Variants in HID1 observed in about 807,000 individuals in gnomAD.
The protein encoded by HID1 is protein HID1.
Under a neutral mutation model 89.7 loss-of-function variants are expected in HID1, and 42 were observed. That is an observed-to-expected ratio of 0.47 (90% CI 0.37 to 0.61). The LOEUF is 0.61. HID1 is among the 20% of genes least tolerant of loss of function. HID1 has a pLI of 0.00. For missense variants in HID1, 854 were observed against 1,039.3 expected, an observed-to-expected ratio of 0.82 and a Z score of 2.45; for synonymous variants, 442 against 433.8, an observed-to-expected ratio of 1.02 and a Z score of -0.24.
intron 1 of HID1, among the ~76,000 whole-genome samples, chr17:74,971,690 T>C (rs2039649996): frequency 6.6e-6 from 1 of 152,104 alleles, no homozygotes; most frequent in South Asian, 2.1e-4. Context: ...AGCATCTCTG[T>C]GGCCACGGTG....
Position 74,962,859 on chromosome 17 carries a change from CCCCCGGCCCCCAG to C in HID1, c.504+93_504+105del. The C allele has an allele frequency of 1.3e-6, 1 of 785,496 alleles. No homozygotes were observed. Among genetic ancestry groups the C allele is most frequent in the Non-Finnish European group, 2.1e-6 (1 of 476,680 alleles). The allele number at this position is 785,496 out of a possible 1,614,324, so 48.7% of individuals were successfully genotyped here. A position where few individuals can be genotyped will look rare whatever the true frequency, so the allele number is the denominator to read the frequency against. On this transcript the variant is annotated intron_variant, in intron 4 of 18. Transcript: ENST00000425042. This position sits in a 1 kb window ranked among gnomAD's most constrained non-coding sequence, Gnocchi z 4.3. ...CCAGGCAGCTCAGCTCTCCTGGAGC[CCCCCGGCCCCCAG>C]TGCAATCCGCCCAAGGGAACTTCAA...
At chr17:74,964,213 G>T (rs1457712172) in intron 2 of HID1, 3 of 592,978 alleles carry the variant, frequency 5.1e-6, no homozygotes, top group Non-Finnish European at 9.0e-6. Context: ...CTGTAAACTG[G>T]CGACCCTGGC....
rs1029483910 is a variant in HID1 at position 74,959,295 on chromosome 17, G to T, written c.1009-244C>A. ...ACTGCAGACTCTCTGTCCTTGGGCT[G>T]TGCGCCCCTTGAGCAAGGCTGCTGC... On this transcript the variant is annotated intron_variant, in intron 8 of 18. Coordinates refer to ENST00000425042, the MANE Select transcript of HID1 (RefSeq NM_030630.3). This position sits in a 1 kb window ranked among gnomAD's most constrained non-coding sequence, Gnocchi z 4.6. Among the ~76,000 whole-genome samples the T allele has an allele frequency of 3.3e-5, 5 of 152,116 alleles. No individual in the cohort carries two copies. The highest frequency in any genetic ancestry group is 4.8e-5 in the African/African-American group (2 of 41,402).
At chr17:74,953,119 G>C in intron 15 of HID1, 33 bp from the exon 16 acceptor site, 1 of 1,534,790 alleles carries the variant, frequency 6.5e-7, no homozygotes, top group Admixed American at 1.9e-5. Context: ...GGTGAGGGAT[G>C]GTGGCGGTGG....
At chr17:74,952,198 C>A in intron 17 of HID1, 71 bp downstream of exon 17, 8 of 1,532,192 alleles carry the variant, frequency 5.2e-6, no homozygotes, top group Non-Finnish European at 7.2e-6. Context: ...AGCCCACCTG[C>A]CCACACCACC....
rs777264298 is a variant in HID1 at position 74,961,952 on chromosome 17, C to G, written c.649G>C (p.Glu217Gln). 10 of 1,600,988 alleles carry G rather than the reference C, an allele frequency of 6.2e-6. No individual in the cohort carries two copies. The highest frequency in any genetic ancestry group is 7.7e-6 in the Non-Finnish European group (9 of 1,174,002). The stretch of plus-strand genomic sequence containing the variant: ...GGAGCTGGGGGCAGGTACATGGCCT[C>G]GGAGAAGCATGTCAGCAGCAGTTTC... ...LLKLLLTCFS[E>Q]AMYLPPAPES... The change falls in exon 6 of 19, where the codon GAG becomes CAG. Residue 217 changes from glutamate (E) to glutamine (Q), a missense_variant. By Grantham distance (29) the Glu-to-Gln change is conservative (BLOSUM62 2). Coordinates refer to ENST00000425042, the MANE Select transcript of HID1 (RefSeq NM_030630.3).
In HID1 at chr17:74,963,758, G is replaced by A. The variant is rs765467682; in HGVS notation, c.369C>T (p.Pro123=). The A allele has an allele frequency of 5.5e-5, 89 of 1,611,154 alleles. 1 individual carries two copies. Among genetic ancestry groups the A allele is most frequent in the South Asian group, 4.6e-4 (42 of 90,704 alleles). Residue 123 remains proline (P), a synonymous_variant, in exon 3 of 19, where the codon CCC becomes CCT. Coordinates refer to ENST00000425042, the MANE Select transcript of HID1 (RefSeq NM_030630.3). ...DWRGFFWSTV[P]GAGRGGQGEE... ...CACAGACCCCTCCTCGCCCTGCCCC[G>A]GGCACTGTGGACCAGAAGAAGCCCC...
Position 74,954,076 on chromosome 17 carries a change from A to T in HID1, c.1864+62T>A. On this transcript the variant is annotated intron_variant, in intron 14 of 18. Coordinates refer to ENST00000425042, the MANE Select transcript of HID1 (RefSeq NM_030630.3). ...CCAGAGATGGGGGTGACACCCCGAG[A>T]CCATGTCCCTCCCCCAGCCACACCA... 2.8e-6 allele frequency: 4 copies of T among 1,449,762 alleles called. No homozygotes were observed. The South Asian group carries it at 4.9e-5, about 18-fold the overall frequency. 89.8% of individuals were successfully genotyped at this position (1,449,762 alleles called of 1,614,324 possible).
At chr17:74,971,731 T>G (rs1033526737) in intron 1 of HID1, among the ~76,000 whole-genome samples, 7 of 151,836 alleles carry the variant, frequency 4.6e-5, no homozygotes, top group African/African-American at 1.7e-4. Context: ...AGAGAAGGGG[T>G]GGGCAGAGAA....
rs1271699241 is a variant in HID1, at chr17:74,962,923, G to C, written c.504+42C>G. 2.0e-6 allele frequency: 3 copies of C among 1,464,084 alleles called. No homozygotes were observed. Among genetic ancestry groups the C allele is most frequent in the Admixed American group, 1.7e-5 (1 of 57,288 alleles). The allele number at this position is 1,464,084 out of a possible 1,614,324, so 90.7% of individuals were successfully genotyped here. ...CTGGCCCGGCCCCAACCCAGGACCA[G>C]AGCCTACTCCGCCTGGGGGTGGGGG... On this transcript the variant is annotated intron_variant, in intron 4 of 18. Transcript: ENST00000425042. The surrounding 1 kb of genome is among the most constrained non-coding windows in gnomAD (Gnocchi z 4.3).
rs760349981 is a variant in HID1, at chr17:74,953,611, A to T, written c.1905T>A (p.Asp635Glu). ...KLTEKSQVSE[D>E]GTLRSLEPEP... ...CAGGTTCCAGGGACCGCAAGGTGCCATCCTCTGACACCTGGGACTTCTCGG... is the reference window on the plus strand; with the variant it reads ...CAGGTTCCAGGGACCGCAAGGTGCCTTCCTCTGACACCTGGGACTTCTCGG... The change falls in exon 15 of 19, where the codon GAT becomes GAA. Residue 635 changes from aspartate (D) to glutamate (E), a missense_variant. Coordinates refer to ENST00000425042, the MANE Select transcript of HID1 (RefSeq NM_030630.3). 1 of 1,614,046 alleles carries T rather than the reference A, an allele frequency of 6.2e-7. No individual in the cohort carries two copies. The highest frequency in any genetic ancestry group is 1.1e-5 in the South Asian group (1 of 91,070).
chr17:74,951,530 C>T lies in HID1; in HGVS notation c.*40G>A. On this transcript the variant is annotated 3_prime_UTR_variant, in exon 19 of 19. Transcript: ENST00000425042. Reference sequence around the variant, plus strand: ...TGGGGGAAGCCTCAGGGACCAAGGCCCTGCCTTCCCCTAGACTGAGCCCCT... The same window carrying T: ...TGGGGGAAGCCTCAGGGACCAAGGCTCTGCCTTCCCCTAGACTGAGCCCCT... 6.3e-7 allele frequency: 1 copy of T among 1,577,770 alleles called. No homozygotes were observed. The highest frequency in any genetic ancestry group is 8.7e-7 in the Non-Finnish European group (1 of 1,155,004).
In HID1 at chr17:74,959,970, G is replaced by A. The variant is rs769188440; in HGVS notation, c.952-33C>T. The A allele has an allele frequency of 5.7e-5, 92 of 1,613,280 alleles. No individual in the cohort carries two copies. The highest frequency in any genetic ancestry group is 3.3e-4 in the South Asian group (30 of 91,084). On this transcript the variant is annotated intron_variant, in intron 7 of 18. Coordinates refer to ENST00000425042, the MANE Select transcript of HID1 (RefSeq NM_030630.3). The surrounding 1 kb of genome is among the most constrained non-coding windows in gnomAD (Gnocchi z 4.6). Reference sequence around the variant, plus strand: ...GAGGAGAAGCCCCTGGTGAGCAGGCGTCCTCCCCACAACCCGTGGCCCCGG... The same window carrying A: ...GAGGAGAAGCCCCTGGTGAGCAGGCATCCTCCCCACAACCCGTGGCCCCGG...
rs1188587801 is a variant in HID1, at chr17:74,959,464, G to C, written c.1009-413C>G. Among the ~76,000 whole-genome samples the C allele has an allele frequency of 1.3e-5, 2 of 152,070 alleles. No homozygotes were observed. The highest frequency in any genetic ancestry group is 2.9e-5 in the Non-Finnish European group (2 of 68,026). On this transcript the variant is annotated intron_variant, in intron 8 of 18. Transcript: ENST00000425042. The surrounding 1 kb of genome is among the most constrained non-coding windows in gnomAD (Gnocchi z 4.6). ...AACTCGAGGAGCATTCCACTGTTCT[G>C]TCATTTACTGAGGCCTGCCACTAGC...
In HID1 at chr17:74,962,250, T is replaced by G; in HGVS notation, c.595A>C (p.Ile199Leu). The change falls in exon 5 of 19, where the codon ATC becomes CTC. Residue 199 changes from isoleucine to leucine, a missense_variant. Coordinates refer to ENST00000425042, the MANE Select transcript of HID1 (RefSeq NM_030630.3). This position sits in a 1 kb window ranked among gnomAD's most constrained non-coding sequence, Gnocchi z 4.3. ...GAAGCTCACCGGTTCATATCGTGGA[T>G]GTAGTTAGGCTGGGGGGAGTGAGCG... ...GFAHSPQPNY[I>L]HDMNRMELLK... is the part of the protein sequence containing the mutation. The G allele has an allele frequency of 2.5e-6, 4 of 1,608,994 alleles. No homozygotes were observed. The highest frequency in any genetic ancestry group is 3.4e-6 in the Non-Finnish European group (4 of 1,176,138).
At chr17:74,952,387 T>G (rs1164038662) in intron 16 of HID1, 27 bp from the exon 17 acceptor site, 1 of 1,592,930 alleles carries the variant, frequency 6.3e-7, no homozygotes, top group African/African-American at 1.3e-5. Flanking sequence ...TTCCTGGGGC[T>G]GAGAAAGCAG....
chr17:74,972,480 C>T lies in HID1; in HGVS notation c.66+111G>A. On this transcript the variant is annotated intron_variant, in intron 1 of 18. Coordinates refer to ENST00000425042, the MANE Select transcript of HID1 (RefSeq NM_030630.3). The surrounding 1 kb of genome is among the most constrained non-coding windows in gnomAD (Gnocchi z 6.4). ...CCGGCGCTGGCCTTGGCGTTACGCTCGGGGCCCGCCCGTCCCCCCATCTCC... is the reference window on the plus strand; with the variant it reads ...CCGGCGCTGGCCTTGGCGTTACGCTTGGGGCCCGCCCGTCCCCCCATCTCC... The T allele has an allele frequency of 6.7e-6, 7 of 1,045,028 alleles. No individual in the cohort carries two copies. Among genetic ancestry groups the T allele is most frequent in the South Asian group, 6.3e-5 (4 of 63,668 alleles). 64.7% of individuals were successfully genotyped at this position (1,045,028 alleles called of 1,614,324 possible). A position where few individuals can be genotyped will look rare whatever the true frequency, so the allele number is the denominator to read the frequency against.
chr17:74,956,077 G>T (rs1054372973), intron 12 of HID1, 121 bp from the exon 13 acceptor site: 1 of 1,006,564 alleles, frequency 9.9e-7, no homozygotes, highest in East Asian at 2.5e-5. Flanking sequence ...GCAGAGCCAG[G>T]ACGACCAAGG....
intron 6 of HID1, 60 bp from the exon 7 acceptor site, chr17:74,960,308 ACCTC>A: frequency 1.4e-6 from 2 of 1,433,960 alleles, no homozygotes; most frequent in Non-Finnish European, 1.9e-6. Context: ...CCCTGGCCAC[ACCTC>A]TCTGGCCACG....
Sources: gnomAD v4.1 joint callset for allele counts (sites outside exome capture counted in the v4.1 genomes callset) on GRCh38, gnomAD v4.1.1 for gene constraint, Gnocchi (gnomAD v3.1) non-coding constraint, MANE v1.5 for transcripts, NCBI Gene and HGNC (gene_info 2026-07-23, HGNC 2026-07-21) for gene names.